POGLUT3: variants seen among roughly 807,000 people sequenced by gnomAD.
The protein encoded by POGLUT3 is protein O-glucosyltransferase 3, also known as KDEL (Lys-Asp-Glu-Leu) containing 2.
A neutral mutation model predicts 54.3 loss-of-function variants in POGLUT3; 48 were observed. The observed-to-expected ratio is 0.88, with a 90% CI of 0.70 to 1.12. The LOEUF (loss-of-function observed/expected upper bound fraction) is 1.12. Among genes scored for constraint, POGLUT3 ranks in the 50% most tolerant of loss-of-function variants. The pLI is 0.00. For missense variants in POGLUT3, 629 were observed against 618.7 expected, an observed-to-expected ratio of 1.02 and a Z score of -0.18; for synonymous variants, 218 against 237.4, an observed-to-expected ratio of 0.92 and a Z score of 0.75.
At chr11:108,476,403 G>A (rs1262345332) in intron 7 of POGLUT3, among the ~76,000 whole-genome samples, 1 of 152,106 alleles carries the variant, frequency 6.6e-6, no homozygotes, top group Non-Finnish European at 1.5e-5. Flanking sequence ...AAAGTGCTGG[G>A]ATTACAGGTG....
intron 3 of POGLUT3, among the ~76,000 whole-genome samples, chr11:108,484,289 G>C (rs1331750452): frequency 6.6e-6 from 1 of 152,168 alleles, no homozygotes; most frequent in African/African-American, 2.4e-5. Context: ...TTGACTAGTT[G>C]TAGCCCGGGA....
At chr11:108,477,777 G>A (rs527407875) in intron 6 of POGLUT3, 66 bp from the exon 7 acceptor site, 2 of 990,284 alleles carry the variant, frequency 2.0e-6, no homozygotes, top group South Asian at 1.3e-5. Context: ...AGAGGGTTAA[G>A]TGTGAGGTGG....
At chr11:108,480,649 C>G (rs570837759) in intron 5 of POGLUT3, among the ~76,000 whole-genome samples, 3 of 152,182 alleles carry the variant, frequency 2.0e-5, no homozygotes, top group African/African-American at 7.2e-5. Context: ...TTGTTCACAT[C>G]TCTCCTCTGG....
Position 108,482,115 on chromosome 11 carries a change from G to A in POGLUT3, c.792C>T (p.Gly264=), listed in dbSNP as rs749180443. 6.2e-7 allele frequency: 1 copy of A among 1,613,770 alleles called. No individual in the cohort carries two copies. Among genetic ancestry groups the A allele is most frequent in the Non-Finnish European group, 8.5e-7 (1 of 1,179,778 alleles). ...GGACAACATCTCTTGAATCCAGAGA[G>A]CCACACCATGAAATGATAGGTATGG... ...PSPIPIISWC[G]SLDSRDVVLP... is the part of the protein sequence containing the mutation. The change falls in exon 4 of 8, where the codon GGC becomes GGT. Residue 264 remains glycine, a synonymous_variant. Coordinates refer to ENST00000323468, the MANE Select transcript of POGLUT3 (RefSeq NM_153705.5).
intron 1 of POGLUT3, among the ~76,000 whole-genome samples, chr11:108,496,220 C>T (rs1377352561): frequency 6.6e-6 from 1 of 151,566 alleles, no homozygotes; most frequent in African/African-American, 2.4e-5. Context: ...TTTGGGGAGA[C>T]TGAGGCAAGA....
At chr11:108,476,183 G>T (rs1181624012) in intron 7 of POGLUT3, among the ~76,000 whole-genome samples, 1 of 152,134 alleles carries the variant, frequency 6.6e-6, no homozygotes, top group Non-Finnish European at 1.5e-5. Flanking sequence ...GCCCAGGCTG[G>T]AGTGCAGTGG....
At chr11:108,481,399 AAAT>A in intron 4 of POGLUT3, 23 bp from the exon 5 acceptor site, 1 of 1,534,302 alleles carries the variant, frequency 6.5e-7, no homozygotes, top group Non-Finnish European at 8.7e-7. Flanking sequence ...AGCCATAAAA[AAAT>A]TAGGATTATG....
chr11:108,477,507 G>A (rs1415938300), intron 7 of POGLUT3, 100 bp downstream of exon 7: 6 of 712,604 alleles, frequency 8.4e-6, no homozygotes, highest in Non-Finnish European at 1.5e-5. Context: ...CCATAGGCTT[G>A]ACTGTGAGTC....
chr11:108,482,303 T>C, intron 3 of POGLUT3, 81 bp from the exon 4 acceptor site: 1 of 990,594 alleles, frequency 1.0e-6, no homozygotes, highest in Admixed American at 2.5e-5. Context: ...TTGGTTTTCT[T>C]ACATATTTTT....
chr11:108,491,685 G>A (rs911273069), intron 1 of POGLUT3, among the ~76,000 whole-genome samples: 8 of 151,888 alleles, frequency 5.3e-5, no homozygotes, highest in African/African-American at 1.7e-4. Flanking sequence ...CACAGAGCTT[G>A]GTCTGGTTCA....
Position 108,478,171 on chromosome 11 carries a change from A to T in POGLUT3, c.1294-460T>A, listed in dbSNP as rs1348973593. On this transcript the variant is annotated intron_variant, in intron 6 of 7. Coordinates refer to ENST00000323468, the MANE Select transcript of POGLUT3 (RefSeq NM_153705.5). ...TCAAAAATAAATAAATAAATAAATA[A>T]ATAAACTAATAAATAAATAAATGAA... The T allele has an allele frequency of 2.0e-5, 3 of 152,468 alleles. No homozygotes were observed. In the East Asian group the frequency reaches 5.8e-4, roughly 29 times the overall value. The allele number at this position is 152,468 out of a possible 1,614,324, so 9.4% of individuals were successfully genotyped here.
chr11:108,475,183 T>A (rs2093578286), intron 7 of POGLUT3, among the ~76,000 whole-genome samples: 1 of 152,168 alleles, frequency 6.6e-6, no homozygotes, highest in Non-Finnish European at 1.5e-5. Context: ...CAATTTTATG[T>A]GTTGGTTGGA....
rs1423546287 is a variant in POGLUT3, at chr11:108,481,873, T to G, written c.901+133A>C. The G allele has an allele frequency of 7.8e-6, 5 of 642,990 alleles. No homozygotes were observed. The Admixed American group carries it at 9.3e-5, about 12-fold the overall frequency. 39.8% of individuals were successfully genotyped at this position (642,990 alleles called of 1,614,324 possible). ...ATAACTGAGGAACATCCACAAATCT[T>G]TAATCCCTAGGTTGGTCAGAATTTT... On this transcript the variant is annotated intron_variant, in intron 4 of 7. Coordinates refer to ENST00000323468, the MANE Select transcript of POGLUT3 (RefSeq NM_153705.5).
At chr11:108,490,428 T>A (rs535169688) in intron 2 of POGLUT3, among the ~76,000 whole-genome samples, 132 of 152,188 alleles carry the variant, frequency 8.7e-4, no homozygotes, top group Non-Finnish European at 1.7e-3. Context: ...CTTGAATGCC[T>A]AAGCTCAAGC....
chr11:108,483,535 C>G (rs1193010913), intron 3 of POGLUT3, among the ~76,000 whole-genome samples: 1 of 152,156 alleles, frequency 6.6e-6, no homozygotes, highest in African/African-American at 2.4e-5. Flanking sequence ...ACAAATCCCA[C>G]TACAGTGGGC....
chr11:108,498,353 G>C lies in POGLUT3; in HGVS notation c.14C>G (p.Pro5Arg). Residue 5 changes from proline to arginine, a missense_variant, in exon 1 of 8, where the codon CCG (proline) becomes CGG (arginine). Coordinates refer to ENST00000323468, the MANE Select transcript of POGLUT3 (RefSeq NM_153705.5). ...GCGCAGCTGCAGCAGCAGGGCCCGC[G>C]GGAGGCGGCGCATGGTCGGCGGGGC... MRRL[P>R]RALLLQLRLA... The C allele has an allele frequency of 7.6e-7, 1 of 1,324,464 alleles. No individual in the cohort carries two copies. The highest frequency in any genetic ancestry group is 9.6e-7 in the Non-Finnish European group (1 of 1,040,346). The allele number at this position is 1,324,464 out of a possible 1,614,324, so 82.0% of individuals were successfully genotyped here. A position where few individuals can be genotyped will look rare whatever the true frequency, so the allele number is the denominator to read the frequency against.
Position 108,477,713 on chromosome 11 carries a change from T to C in POGLUT3, c.1294-2A>G. 6.3e-7 allele frequency: 1 copy of C among 1,592,906 alleles called. No homozygotes were observed. The highest frequency in any genetic ancestry group is 1.3e-5 in the African/African-American group (1 of 74,474). ...CTTCTTGGCTTCTTCATCATTTTCC[T>C]GAAAGGTTAAAAAAAATAAAAATGA... On this transcript the variant is annotated splice_acceptor_variant, in intron 6 of 7. Transcript: ENST00000323468. LOFTEE classifies it high-confidence loss of function.
chr11:108,477,974 C>G (rs970546377), intron 6 of POGLUT3: 7 of 393,592 alleles, frequency 1.8e-5, no homozygotes, highest in African/African-American at 1.3e-4. Flanking sequence ...CATGGTGAAA[C>G]CCCATCTCTA....
At position 108,482,125 on chromosome 11, in the gene POGLUT3, G is replaced by A. The variant is rs1341307883; in HGVS notation, c.782C>T (p.Ser261Leu). The change falls in exon 4 of 8, where the codon TCA (serine) becomes TTA (leucine). Residue 261 changes from serine (S) to leucine (L), a missense_variant. Ser to Leu is a moderately radical substitution (Grantham distance 145). Transcript: ENST00000323468. ...TCTTGAATCCAGAGAGCCACACCAT[G>A]AAATGATAGGTATGGGGCTAGGGGT... is the stretch of plus-strand genomic sequence containing the variant. ...NGTPSPIPII[S>L]WCGSLDSRDV... is the part of the protein sequence containing the mutation. The A allele has an allele frequency of 1.9e-6, 3 of 1,613,970 alleles. No homozygotes were observed. Among genetic ancestry groups the A allele is most frequent in the Non-Finnish European group, 2.5e-6 (3 of 1,179,838 alleles).
Sources: gnomAD v4.1 joint callset for allele counts (sites outside exome capture counted in the v4.1 genomes callset) on GRCh38, gnomAD v4.1.1 for gene constraint, MANE v1.5 for transcripts, NCBI Gene and HGNC (gene_info 2026-07-23, HGNC 2026-07-21) for gene names.